The following FBXL7 variants were observed in gnomAD, a reference collection of about 807,000 sequenced individuals.
FBXL7 encodes the protein F-box and leucine rich repeat protein 7.
In FBXL7, 12 loss-of-function variants were observed where a neutral mutation model predicts 38.3. That is an observed-to-expected ratio of 0.31 (90% confidence interval 0.20 to 0.51). FBXL7 has a LOEUF of 0.51. Ranked by LOEUF, FBXL7 falls within the 20% of genes least tolerant of loss-of-function variation. FBXL7 has a pLI of 0.98. For missense variants in FBXL7, 567 were observed against 676.4 expected (o/e 0.84, Z 1.79); for synonymous variants, 297 against 300.9 (o/e 0.99, Z 0.13).
intron 2 of FBXL7, among the ~76,000 whole-genome samples, chr5:15,669,847 C>T (rs941542977): frequency 6.6e-6 from 1 of 152,222 alleles, no homozygotes; most frequent in Admixed American, 6.5e-5. Flanking sequence ...AAAATACTTG[C>T]TGTCCCTTCT....
At chr5:15,810,226 CAT>C (rs1737822887) in intron 2 of FBXL7, among the ~76,000 whole-genome samples, 1 of 151,860 alleles carries the variant, frequency 6.6e-6, no homozygotes, top group African/African-American at 2.4e-5. Context: ...GGTGAATAAA[CAT>C]GTGCCATTGA....
chr5:15,684,766 T>C (rs1742963905), intron 2 of FBXL7, among the ~76,000 whole-genome samples: 1 of 152,124 alleles, frequency 6.6e-6, no homozygotes, highest in African/African-American at 2.4e-5. Flanking sequence ...GAGAAGGGGC[T>C]ACAAGTCAAC....
chr5:15,607,174 C>A (rs1427302829), intron 1 of FBXL7: 1 of 152,110 alleles, frequency 6.6e-6, no homozygotes, highest in African/African-American at 2.4e-5. Flanking sequence ...GGTATGGACA[C>A]TTAGTATTAA....
chr5:15,632,857 A>G (rs575339437), intron 2 of FBXL7, among the ~76,000 whole-genome samples: 19 of 152,266 alleles, frequency 1.2e-4, no homozygotes, highest in Admixed American at 7.8e-4. Context: ...ACAATGGGGA[A>G]TATTAGATGG....
At chr5:15,648,900 T>C (rs1297725846) in intron 2 of FBXL7, among the ~76,000 whole-genome samples, 1 of 152,126 alleles carries the variant, frequency 6.6e-6, no homozygotes, top group Admixed American at 6.5e-5. Context: ...TTCAACTTTT[T>C]TTTTTTTTTT....
chr5:15,817,693 A>G (rs1738055402), intron 2 of FBXL7, among the ~76,000 whole-genome samples: 1 of 152,124 alleles, frequency 6.6e-6, no homozygotes, highest in South Asian at 2.1e-4. Flanking sequence ...TCCCCTGCAC[A>G]AGCCCTCTTG....
chr5:15,878,609 C>G (rs1035641989), intron 2 of FBXL7, among the ~76,000 whole-genome samples: 11 of 152,198 alleles, frequency 7.2e-5, no homozygotes, highest in Non-Finnish European at 1.0e-4. Context: ...GTATTTCCTA[C>G]AGAAAATCTG....
At chr5:15,827,098 C>A (rs1382452827) in intron 2 of FBXL7, among the ~76,000 whole-genome samples, 1 of 148,624 alleles carries the variant, frequency 6.7e-6, no homozygotes, top group African/African-American at 2.6e-5. Context: ...ATCATTTCCT[C>A]CACAAAGACA....
At chr5:15,900,326 C>T (rs1226508691) in intron 2 of FBXL7, among the ~76,000 whole-genome samples, 4 of 152,138 alleles carry the variant, frequency 2.6e-5, no homozygotes, top group African/African-American at 4.8e-5. Context: ...TTTTCTCACA[C>T]GATGGCCTTC....
intron 1 of FBXL7, among the ~76,000 whole-genome samples, chr5:15,505,678 A>G (rs1430346878): frequency 6.6e-6 from 1 of 152,182 alleles, no homozygotes; most frequent in Non-Finnish European, 1.5e-5. Flanking sequence ...GGCGTAGGGT[A>G]TTACATTTTA....
intron 1 of FBXL7, among the ~76,000 whole-genome samples, chr5:15,540,880 G>A: frequency 6.6e-6 from 1 of 151,952 alleles, no homozygotes; most frequent in East Asian, 1.9e-4. Flanking sequence ...TACCTCCTAG[G>A]GACCCCATCT....
At chr5:15,808,253 C>T (rs1479439033) in intron 2 of FBXL7, among the ~76,000 whole-genome samples, 7 of 151,902 alleles carry the variant, frequency 4.6e-5, no homozygotes, top group East Asian at 1.9e-4. Context: ...TTCTCAGTGT[C>T]GTATCAAATT....
intron 2 of FBXL7, among the ~76,000 whole-genome samples, chr5:15,765,668 G>T (rs1394814542): frequency 1.3e-5 from 2 of 152,122 alleles, no homozygotes; most frequent in African/African-American, 2.4e-5. Context: ...GAGCTCTAGG[G>T]TAAGTGGCAC....
chr5:15,534,682 CTAT>C (rs1737529718), intron 1 of FBXL7, among the ~76,000 whole-genome samples: 2 of 152,244 alleles, frequency 1.3e-5, no homozygotes, highest in African/African-American at 4.8e-5. Flanking sequence ...ATACCAAGGA[CTAT>C]TATTTCTGGA....
chr5:15,651,546 C>T (rs186385559), intron 2 of FBXL7, among the ~76,000 whole-genome samples: 88 of 152,272 alleles, frequency 5.8e-4, no homozygotes, highest in African/African-American at 1.7e-3. Context: ...TGTCAGTGAA[C>T]GGTAATATTT....
chr5:15,757,502 C>T (rs533024955), intron 2 of FBXL7, among the ~76,000 whole-genome samples: 8 of 150,688 alleles, frequency 5.3e-5, no homozygotes, highest in Admixed American at 1.3e-4. Flanking sequence ...AACTAATTTA[C>T]ATTCCTGCTG....
At chr5:15,670,071 A>C (rs1024221990) in intron 2 of FBXL7, among the ~76,000 whole-genome samples, 1 of 152,194 alleles carries the variant, frequency 6.6e-6, no homozygotes, top group Non-Finnish European at 1.5e-5. Flanking sequence ...GCAGATGTGT[A>C]ACATGAGTGA....
intron 3 of FBXL7, among the ~76,000 whole-genome samples, chr5:15,933,759 G>A (rs368213358): frequency 6.6e-6 from 1 of 152,152 alleles, no homozygotes; most frequent in East Asian, 1.9e-4. Context: ...CCTACCAGGA[G>A]GTGGGAGGAA....
At chr5:15,838,468 A>G (rs1007247900) in intron 2 of FBXL7, among the ~76,000 whole-genome samples, 2 of 152,160 alleles carry the variant, frequency 1.3e-5, no homozygotes, top group Non-Finnish European at 2.9e-5. Context: ...TCCTAATGCC[A>G]TAACATTGGG....
Sources: allele counts gnomAD v4.1 joint callset (sites outside exome capture counted in the v4.1 genomes callset), GRCh38; gene constraint gnomAD v4.1.1; transcripts MANE v1.5; gene names NCBI Gene and HGNC (gene_info 2026-07-23, HGNC 2026-07-21).